PADI4: variants seen among roughly 807,000 people sequenced by gnomAD.
The protein encoded by PADI4 is peptidyl arginine deiminase 4, also known as protein-arginine deiminase type-4.
A neutral mutation model predicts 75.0 loss-of-function variants in PADI4; 62 were observed. That is an observed-to-expected ratio of 0.83 (90% CI 0.67 to 1.02). The LOEUF (loss-of-function observed/expected upper bound fraction) is 1.02, where lower values mean the gene tolerates loss of function less well. PADI4 is among the 50% of genes least tolerant of loss of function. PADI4 has a pLI of 0.00. For synonymous variants in PADI4, 361 were observed against 348.1 expected, an observed-to-expected ratio of 1.04 and a Z score of -0.41; for missense variants, 845 against 850.5, an observed-to-expected ratio of 0.99 and a Z score of 0.08.
At chr1:17,337,786 G>A (rs770342938) in intron 4 of PADI4, among the ~76,000 whole-genome samples, 34 of 152,186 alleles carry the variant, frequency 2.2e-4, no homozygotes, top group Non-Finnish European at 2.6e-4. Context: ...GTGGTGGCAT[G>A]CGCCTATAGT....
intron 6 of PADI4, among the ~76,000 whole-genome samples, chr1:17,340,714 G>A (rs935087672): frequency 6.0e-5 from 9 of 151,174 alleles, no homozygotes; most frequent in Non-Finnish European, 1.0e-4. Context: ...GATGGAGAGC[G>A]CCATGGGAGG....
intron 1 of PADI4, among the ~76,000 whole-genome samples, chr1:17,322,593 G>A (rs953339329): frequency 6.6e-6 from 1 of 152,040 alleles, no homozygotes; most frequent in African/African-American, 2.4e-5. Flanking sequence ...ATTTCCTTGT[G>A]GGCCAATTGT....
intron 8 of PADI4, among the ~76,000 whole-genome samples, chr1:17,345,255 A>G (rs909401364): frequency 3.3e-5 from 5 of 152,152 alleles, no homozygotes; most frequent in African/African-American, 1.2e-4. Context: ...TATTTACCCA[A>G]CACCTGTACC....
intron 1 of PADI4, 122 bp downstream of exon 1, chr1:17,308,436 C>T (rs1240966369): frequency 5.5e-6 from 4 of 733,798 alleles, no homozygotes; most frequent in Non-Finnish European, 9.2e-6. Flanking sequence ...CAGCCACTGC[C>T]AGGGGAGTAG....
intron 3 of PADI4, 139 bp downstream of exon 3, chr1:17,334,148 C>A (rs1387986812): frequency 1.1e-5 from 7 of 641,152 alleles, no homozygotes; most frequent in Non-Finnish European, 2.0e-5. Flanking sequence ...TCTAGCCAGT[C>A]AGACATCTGG....
chr1:17,327,923 A>G (rs1482788602), intron 1 of PADI4, among the ~76,000 whole-genome samples: 2 of 152,020 alleles, frequency 1.3e-5, no homozygotes, highest in African/African-American at 4.8e-5. Context: ...CTTTTTTGGA[A>G]GGCAGTTCTC....
rs755075275 is a variant in PADI4, at chr1:17,308,199, C to T, written c.-24C>T. 25 of 1,607,120 alleles carry T rather than the reference C, an allele frequency of 1.6e-5. No homozygotes were observed. Among genetic ancestry groups the T allele is most frequent in the Non-Finnish European group, 2.1e-5 (25 of 1,173,990 alleles). ...GAACCAGCCCAGGGGCTTCCTACAG[C>T]CAGAGGGACGAGCTAGCCCGACGAT... On this transcript the variant is annotated 5_prime_UTR_variant, in exon 1 of 16. Transcript: ENST00000375448.
rs537671191 is a variant in PADI4 at position 17,358,970 on chromosome 1, T to C, written c.1629+62T>C. 158 of 1,158,474 alleles carry C rather than the reference T, an allele frequency of 1.4e-4. 1 individual carries two copies. The African/African-American group carries it at 1.8e-3, about 13-fold the overall frequency. The allele number at this position is 1,158,474 out of a possible 1,614,324, so 71.8% of individuals were successfully genotyped here. On this transcript the variant is annotated intron_variant, in intron 14 of 15. Coordinates refer to ENST00000375448, the MANE Select transcript of PADI4 (RefSeq NM_012387.3). Reference sequence around the variant, plus strand: ...CGCCCTGTCCCCGGCTCAGCCACTTTCCCAGTGATTAGAGGCACACAGAGG... The same window carrying C: ...CGCCCTGTCCCCGGCTCAGCCACTTCCCCAGTGATTAGAGGCACACAGAGG...
At chr1:17,340,780 C>G (rs2074403639) in intron 6 of PADI4, among the ~76,000 whole-genome samples, 2 of 142,832 alleles carry the variant, frequency 1.4e-5, no homozygotes, top group Non-Finnish European at 3.0e-5. Context: ...TCTGCCTGGT[C>G]TATTCCAAGC....
intron 5 of PADI4, 32 bp from the exon 6 acceptor site, chr1:17,339,656 C>T (rs1356719278): frequency 6.2e-7 from 1 of 1,612,646 alleles, no homozygotes; most frequent in South Asian, 1.1e-5. Flanking sequence ...TCTCAGGGCC[C>T]TGTGACTCAG....
chr1:17,316,872 C>T (rs2073950038), intron 1 of PADI4, among the ~76,000 whole-genome samples: 2 of 152,024 alleles, frequency 1.3e-5, no homozygotes, highest in South Asian at 4.1e-4. Context: ...ATGACTGGGG[C>T]AGAGCCTCAG....
rs11421885 is a variant in PADI4 at position 17,339,017 on chromosome 1, C to CG, written c.527-671_527-670insG. Among the ~76,000 whole-genome samples the CG allele has an allele frequency of 2.8e-3, 420 of 152,314 alleles. 4 individuals carry two copies. Among genetic ancestry groups the CG allele is most frequent in the African/African-American group, 9.5e-3 (394 of 41,558 alleles). Reference sequence around the variant, plus strand: ...GGGGTGCCAAGAGCTGGTATAAGCACTGTGTATCACCTGACTTTATCTTCA... The same window carrying CG: ...GGGGTGCCAAGAGCTGGTATAAGCACGTGTGTATCACCTGACTTTATCTTCA... On this transcript the variant is annotated intron_variant, in intron 5 of 15. Transcript: ENST00000375448.
intron 1 of PADI4, among the ~76,000 whole-genome samples, chr1:17,321,882 G>A (rs1332869924): frequency 3.9e-5 from 6 of 152,324 alleles, no homozygotes; most frequent in Non-Finnish European, 5.9e-5. Flanking sequence ...GAGAAAGGGC[G>A]GATAATGGAA....
Position 17,336,137 on chromosome 1 carries a change from C to A in PADI4, c.341-22C>A, listed in dbSNP as rs772281785. 3.8e-6 allele frequency: 6 copies of A among 1,590,590 alleles called. No homozygotes were observed. The East Asian group carries it at 8.9e-5, about 24-fold the overall frequency. On this transcript the variant is annotated intron_variant, in intron 3 of 15. Coordinates refer to ENST00000375448, the MANE Select transcript of PADI4 (RefSeq NM_012387.3). ...AACCCCGGACCCTCACCAACCTCTC[C>A]TCTTACTTGATGGGATTTCAGAAAT...
chr1:17,336,023 C>G, intron 3 of PADI4, 136 bp from the exon 4 acceptor site: 1 of 648,872 alleles, frequency 1.5e-6, no homozygotes, highest in Middle Eastern at 4.1e-4. Context: ...TGTGTCTCCT[C>G]TGAAGGACGG....
chr1:17,349,152 A>G (rs1447480198), intron 10 of PADI4, among the ~76,000 whole-genome samples: 4 of 152,218 alleles, frequency 2.6e-5, no homozygotes, highest in East Asian at 1.9e-4. Context: ...CTGTTTCAGC[A>G]GCGTTGGGGC....
At chr1:17,344,255 G>C (rs971378254) in intron 8 of PADI4, among the ~76,000 whole-genome samples, 2 of 152,196 alleles carry the variant, frequency 1.3e-5, no homozygotes, top group African/African-American at 4.8e-5. Context: ...GTATCTGGCA[G>C]AAGAAATTTC....
intron 10 of PADI4, among the ~76,000 whole-genome samples, chr1:17,351,925 AGAGGCG>A (rs1332957874): frequency 2.4e-4 from 36 of 148,000 alleles, no homozygotes; most frequent in Non-Finnish European, 3.8e-4. Flanking sequence ...AGGCAGTAGG[AGAGGCG>A]GTCAGGGAGG....
intron 2 of PADI4, among the ~76,000 whole-genome samples, chr1:17,333,095 G>A (rs1193146663): frequency 6.6e-6 from 1 of 152,194 alleles, no homozygotes; most frequent in East Asian, 1.9e-4. Flanking sequence ...TTTTCAGCCA[G>A]CGAATAACAA....
Sources: gnomAD v4.1 joint callset for allele counts (sites outside exome capture counted in the v4.1 genomes callset) on GRCh38, gnomAD v4.1.1 for gene constraint, MANE v1.5 for transcripts, NCBI Gene and HGNC (gene_info 2026-07-23, HGNC 2026-07-21) for gene names.